Variants in SCGB1A1 observed in about 807,000 individuals in gnomAD.
The protein encoded by SCGB1A1 is uteroglobin.
SCGB1A1 carries 8 observed loss-of-function variants against 7.5 expected under a neutral mutation model. The observed-to-expected ratio is 1.07, with a 90% confidence interval of 0.63 to 1.92. The LOEUF is 1.92. Among genes scored for constraint, SCGB1A1 ranks in the 30% most tolerant of loss-of-function variants. The probability of loss-of-function intolerance (pLI) is 0.00; values close to 1 mark genes in which losing one functional copy is unlikely to be tolerated. For synonymous variants in SCGB1A1, 44 were observed against 40.8 expected, an observed-to-expected ratio of 1.08 and a Z score of -0.30; for missense variants, 121 against 112.7, an observed-to-expected ratio of 1.07 and a Z score of -0.33.
Position 62,419,109 on chromosome 11 carries a change from T to G in SCGB1A1, c.14T>G (p.Val5Gly). MKLA[V>G]TLTLVTLALC... is the part of the protein sequence containing the mutation. ...CCCTCCTCCACCATGAAACTCGCTGTCACCCTCACCCTGGTCACACTGGCT... is the reference window on the plus strand; with the variant it reads ...CCCTCCTCCACCATGAAACTCGCTGGCACCCTCACCCTGGTCACACTGGCT... The change falls in exon 1 of 3, where the codon GTC becomes GGC. Residue 5 changes from valine (V) to glycine (G), a missense_variant. By Grantham distance (109) the Val-to-Gly change is moderately radical (BLOSUM62 -3). Coordinates refer to ENST00000278282, the MANE Select transcript of SCGB1A1 (RefSeq NM_003357.5). The G allele has an allele frequency of 6.3e-7, 1 of 1,582,946 alleles. No homozygotes were observed. The highest frequency in any genetic ancestry group is 8.6e-7 in the Non-Finnish European group (1 of 1,161,864).
chr11:62,422,461 G>A (rs2134747629), intron 2 of SCGB1A1, 53 bp downstream of exon 2: 1 of 1,433,196 alleles, frequency 7.0e-7, no homozygotes, highest in East Asian at 2.3e-5. Flanking sequence ...CCCAAGTGGG[G>A]CTGCAGGATT....
rs1423794276 is a variant in SCGB1A1, at chr11:62,422,275, A to G, written c.110A>G (p.Asp37Gly). ...CGTGTCATCGAAACCCTCCTCATGG[A>G]CACACCCTCCAGTTATGAGGCTGCC... ...FQRVIETLLM[D>G]TPSSYEAAME... The change falls in exon 2 of 3, where the codon GAC becomes GGC. Residue 37 changes from aspartate to glycine, a missense_variant. Physicochemically the swap from Asp to Gly is moderately conservative, Grantham distance 94 (BLOSUM62 -1). Coordinates refer to ENST00000278282, the MANE Select transcript of SCGB1A1 (RefSeq NM_003357.5). 8.7e-6 allele frequency: 14 copies of G among 1,614,004 alleles called. No homozygotes were observed. Among genetic ancestry groups the G allele is most frequent in the Admixed American group, 1.7e-5 (1 of 59,998 alleles).
In SCGB1A1 at chr11:62,419,129, C is replaced by A. The variant is rs1157850025; in HGVS notation, c.34C>A (p.Leu12Met). 6.3e-7 allele frequency: 1 copy of A among 1,584,658 alleles called. No homozygotes were observed. Among genetic ancestry groups the A allele is most frequent in the Non-Finnish European group, 8.6e-7 (1 of 1,162,832 alleles). Residue 12 changes from leucine to methionine, a missense_variant, in exon 1 of 3, where the codon CTG (leucine) becomes ATG (methionine). Coordinates refer to ENST00000278282, the MANE Select transcript of SCGB1A1 (RefSeq NM_003357.5). ...KLAVTLTLVTLALCCSSASAE... is the reference protein window; with the variant it reads ...KLAVTLTLVTMALCCSSASAE... ...CGCTGTCACCCTCACCCTGGTCACA[C>A]TGGCTCTCTGCTGCAGCTCCGGTGA... is the stretch of plus-strand genomic sequence containing the variant.
rs556241557 is a variant in SCGB1A1 at position 62,420,930 on chromosome 11, G to A, written c.56-1291G>A. 1.5e-4 allele frequency among the ~76,000 whole-genome samples: 22 copies of A among 150,718 alleles called. No individual in the cohort carries two copies. In the South Asian group the frequency reaches 2.1e-3, roughly 14 times the overall value. ...AGCCTGGGCAATAGAGCGAGACTCC[G>A]TCTGAAAACAAATAAATAAATAAAA... is the stretch of plus-strand genomic sequence containing the variant. On this transcript the variant is annotated intron_variant, in intron 1 of 2. Transcript: ENST00000278282.
chr11:62,422,442 A>T, intron 2 of SCGB1A1, 34 bp downstream of exon 2: 1 of 1,572,558 alleles, frequency 6.4e-7, no homozygotes, highest in Non-Finnish European at 8.7e-7. Flanking sequence ...ACTGGTTAGA[A>T]GTGGCTTCCC....
At chr11:62,420,649 A>T (rs1937764353) in intron 1 of SCGB1A1, among the ~76,000 whole-genome samples, 1 of 144,316 alleles carries the variant, frequency 6.9e-6, no homozygotes, top group South Asian at 2.5e-4. Context: ...AAGTAGGGAT[A>T]TTGGGCCAGG....
In SCGB1A1 at chr11:62,422,407, T is replaced by C. The variant is rs760802019; in HGVS notation, c.242T>C (p.Met81Thr). 2.2e-5 allele frequency: 35 copies of C among 1,610,296 alleles called. No individual in the cohort carries two copies. The East Asian group carries it at 7.6e-4, about 35-fold the overall frequency. ...QKPRESIIKLMEKIAQSSLCN is the reference protein window; with the variant it reads ...QKPRESIIKLTEKIAQSSLCN ...CCCAGAGAAAGCATCATTAAGCTCATGGTAACCAGCACCTTTCACGTCACA... is the reference window on the plus strand; with the variant it reads ...CCCAGAGAAAGCATCATTAAGCTCACGGTAACCAGCACCTTTCACGTCACA... The change falls in exon 2 of 3, where the codon ATG (methionine) becomes ACG (threonine). Residue 81 changes from methionine to threonine, a missense_variant and splice_region_variant. Transcript: ENST00000278282.
chr11:62,422,121 T>C (rs1937810096), intron 1 of SCGB1A1, 100 bp from the exon 2 acceptor site: 2 of 937,370 alleles, frequency 2.1e-6, no homozygotes, highest in African/African-American at 1.6e-5. Flanking sequence ...TATCTCTCGC[T>C]GATGGGCCTG....
chr11:62,422,314 G>A lies in SCGB1A1; in HGVS notation c.149G>A (p.Ser50Asn). Residue 50 changes from serine (S) to asparagine (N), a missense_variant, in exon 2 of 3, where the codon AGC becomes AAC. Ser to Asn is a conservative substitution (Grantham distance 46). Transcript: ENST00000278282. ...SSYEAAMELF[S>N]PDQDMREAGA... ...TATGAGGCTGCCATGGAACTTTTCA[G>A]CCCTGATCAAGACATGAGGGAGGCA... is the stretch of plus-strand genomic sequence containing the variant. The A allele has an allele frequency of 6.2e-7, 1 of 1,614,138 alleles. No individual in the cohort carries two copies. Among genetic ancestry groups the A allele is most frequent in the Non-Finnish European group, 8.5e-7 (1 of 1,179,994 alleles).
Position 62,422,300 on chromosome 11 carries a change from C to T in SCGB1A1, c.135C>T (p.Ala45=). Residue 45 remains alanine, a synonymous_variant, in exon 2 of 3, where the codon GCC becomes GCT. Coordinates refer to ENST00000278282, the MANE Select transcript of SCGB1A1 (RefSeq NM_003357.5). The part of the protein sequence containing the change: ...LMDTPSSYEA[A]MELFSPDQDM... ...ACACACCCTCCAGTTATGAGGCTGC[C>T]ATGGAACTTTTCAGCCCTGATCAAG... 1.2e-6 allele frequency: 2 copies of T among 1,614,108 alleles called. No homozygotes were observed. The highest frequency in any genetic ancestry group is 1.7e-6 in the Non-Finnish European group (2 of 1,179,984).
chr11:62,422,092 C>G, intron 1 of SCGB1A1, 129 bp from the exon 2 acceptor site: 3 of 654,260 alleles, frequency 4.6e-6, no homozygotes, highest in Non-Finnish European at 7.6e-6. Context: ...ACACTCTAGT[C>G]CATCGATGAA....
chr11:62,419,127 C>G lies in SCGB1A1; in HGVS notation c.32C>G (p.Thr11Arg). The change falls in exon 1 of 3, where the codon ACA becomes AGA. Residue 11 changes from threonine (T) to arginine (R), a missense_variant. Physicochemically the swap from Thr to Arg is moderately conservative, Grantham distance 71 (BLOSUM62 -1). Transcript: ENST00000278282. The stretch of plus-strand genomic sequence containing the variant: ...CTCGCTGTCACCCTCACCCTGGTCA[C>G]ACTGGCTCTCTGCTGCAGCTCCGGT... Reference protein sequence around the residue: MKLAVTLTLVTLALCCSSASA... With the variant: MKLAVTLTLVRLALCCSSASA... 6.3e-7 allele frequency: 1 copy of G among 1,584,772 alleles called. No homozygotes were observed. The highest frequency in any genetic ancestry group is 8.6e-7 in the Non-Finnish European group (1 of 1,162,886).
At chr11:62,422,176 G>C in intron 1 of SCGB1A1, 45 bp from the exon 2 acceptor site, 1 of 1,534,874 alleles carries the variant, frequency 6.5e-7, no homozygotes, top group East Asian at 2.3e-5. Flanking sequence ...TAGCCAGCTT[G>C]GAAAGGGGCC....
chr11:62,419,620 C>G (rs1590782899), intron 1 of SCGB1A1, among the ~76,000 whole-genome samples: 1 of 152,192 alleles, frequency 6.6e-6, no homozygotes, highest in Non-Finnish European at 1.5e-5. Flanking sequence ...CAACCCAAGA[C>G]AAGGTCTCTC....
At chr11:62,419,232 G>T (rs1937718957) in intron 1 of SCGB1A1, 82 bp downstream of exon 1, 1 of 1,150,216 alleles carries the variant, frequency 8.7e-7, no homozygotes. Flanking sequence ...GAAGGAGTGA[G>T]CTGCCCATTC....
At position 62,419,043 on chromosome 11, in the gene SCGB1A1, A is replaced by G; in HGVS notation, c.-53A>G. ...TGCTGGGCATGTCTCATACTAGCCC[A>G]CCAGACTCAGAGACGGAACCAGAGA... On this transcript the variant is annotated 5_prime_UTR_variant, in exon 1 of 3. Coordinates refer to ENST00000278282, the MANE Select transcript of SCGB1A1 (RefSeq NM_003357.5). 1 of 1,519,934 alleles carries G rather than the reference A, an allele frequency of 6.6e-7. No individual in the cohort carries two copies. The highest frequency in any genetic ancestry group is 8.9e-7 in the Non-Finnish European group (1 of 1,120,860). 94.2% of individuals were successfully genotyped at this position (1,519,934 alleles called of 1,614,324 possible). A position where few individuals can be genotyped will look rare whatever the true frequency, so the allele number is the denominator to read the frequency against.
intron 1 of SCGB1A1, chr11:62,422,008 A>G (rs1013544012): frequency 2.4e-6 from 1 of 409,592 alleles, no homozygotes; most frequent in Non-Finnish European, 4.4e-6. Flanking sequence ...TTGATCTCCA[A>G]CAGAAAGAAA....
Position 62,419,116 on chromosome 11 carries a change from C to T in SCGB1A1, c.21C>T (p.Leu7=), listed in dbSNP as rs1369823265. The change falls in exon 1 of 3, where the codon CTC becomes CTT. Residue 7 remains leucine (L), a synonymous_variant. Coordinates refer to ENST00000278282, the MANE Select transcript of SCGB1A1 (RefSeq NM_003357.5). Reference sequence around the variant, plus strand: ...CCACCATGAAACTCGCTGTCACCCTCACCCTGGTCACACTGGCTCTCTGCT... The same window carrying T: ...CCACCATGAAACTCGCTGTCACCCTTACCCTGGTCACACTGGCTCTCTGCT... The part of the protein sequence containing the change: MKLAVT[L]TLVTLALCCS... The T allele has an allele frequency of 1.9e-6, 3 of 1,586,060 alleles. No individual in the cohort carries two copies. The highest frequency in any genetic ancestry group is 2.6e-6 in the Non-Finnish European group (3 of 1,163,746).
intron 1 of SCGB1A1, among the ~76,000 whole-genome samples, chr11:62,419,795 CAGAA>C (rs1937734946): frequency 6.6e-6 from 1 of 151,822 alleles, no homozygotes; most frequent in African/African-American, 2.4e-5. Flanking sequence ...GGAAGAGGGG[CAGAA>C]AGAGAGACGG....
Sources: gnomAD v4.1 joint callset for allele counts (sites outside exome capture counted in the v4.1 genomes callset) on GRCh38, gnomAD v4.1.1 for gene constraint, MANE v1.5 for transcripts, NCBI Gene and HGNC (gene_info 2026-07-23, HGNC 2026-07-21) for gene names.